Variants in CDH18 observed in about 807,000 individuals in gnomAD.
The protein encoded by CDH18 is cadherin-18.
A neutral mutation model predicts 67.9 loss-of-function variants in CDH18; 31 were observed. That is an observed-to-expected ratio of 0.46 (90% CI 0.34 to 0.62). CDH18 has a LOEUF of 0.62. CDH18 is among the 20% of genes least tolerant of loss of function. The probability of loss-of-function intolerance (pLI) is 0.01; values close to 1 mark genes in which losing one functional copy is unlikely to be tolerated. For synonymous variants in CDH18, 362 were observed against 347.2 expected (o/e 1.04, Z -0.48); for missense variants, 890 against 975.5 (o/e 0.91, Z 1.17).
chr5:19,685,801 G>C (rs971651024), intron 5 of CDH18, among the ~76,000 whole-genome samples: 7 of 152,148 alleles, frequency 4.6e-5, no homozygotes, highest in Admixed American at 2.0e-4. Flanking sequence ...TGAAGAGAGA[G>C]AGTCTCAGAA....
chr5:19,483,398 C>A lies in CDH18; in HGVS notation c.1785G>T (p.Gly595=). 1 of 1,614,054 alleles carries A rather than the reference C, an allele frequency of 6.2e-7. No homozygotes were observed. Among genetic ancestry groups the A allele is most frequent in the South Asian group, 1.1e-5 (1 of 91,064 alleles). The change falls in exon 12 of 13, where the codon GGG becomes GGT. Residue 595 remains glycine, a synonymous_variant. Coordinates refer to ENST00000382275, the MANE Select transcript of CDH18 (RefSeq NM_004934.5). ...CTTCTGCATGGCAGGTCCGCACACG[C>A]CCATCTCTCTCGCATGCACAAACCC... ...TIRVCACERD[G]RVRTCHAEAF... is the part of the protein sequence containing the mutation.
At chr5:20,284,683 A>G (rs2940448) in intron 1 of CDH18, among the ~76,000 whole-genome samples, 17,771 of 151,864 alleles carry the variant, frequency 0.12, 1,579 homozygotes, top group African/African-American at 0.24. Flanking sequence ...CCACTAACCA[A>G]TTTCTCTGAG....
At chr5:20,252,460 G>T (rs1237724966) in intron 2 of CDH18, among the ~76,000 whole-genome samples, 1 of 152,026 alleles carries the variant, frequency 6.6e-6, no homozygotes, top group Non-Finnish European at 1.5e-5. Flanking sequence ...TAATTAGTTG[G>T]TATTCAATGA....
At chr5:19,569,096 T>A (rs1258080472) in intron 8 of CDH18, among the ~76,000 whole-genome samples, 1 of 152,218 alleles carries the variant, frequency 6.6e-6, no homozygotes. Flanking sequence ...ATCATTGTTT[T>A]GGTTATAATT....
At chr5:19,607,304 A>C (rs2028935) in intron 6 of CDH18, among the ~76,000 whole-genome samples, 53,223 of 151,232 alleles carry the variant, frequency 0.35, 11,523 homozygotes, top group Middle Eastern at 0.55. Flanking sequence ...TATTTAACAC[A>C]ACAGCAACAA....
intron 3 of CDH18, among the ~76,000 whole-genome samples, chr5:19,785,697 T>A (rs867494955): frequency 1.5e-3 from 117 of 76,676 alleles, no homozygotes; most frequent in African/African-American, 2.3e-3. Flanking sequence ...TATATATATA[T>A]ATATATATAT....
intron 1 of CDH18, among the ~76,000 whole-genome samples, chr5:20,300,303 C>CATGTGT (rs1554114523): frequency 3.4e-5 from 5 of 148,506 alleles, no homozygotes; most frequent in Non-Finnish European, 7.4e-5. Context: ...TGTGTGTGTG[C>CATGTGT]GTGTGTGTGT....
rs144841633 is a variant in CDH18 at position 19,825,947 on chromosome 5, A to C, written c.228+12812T>G. 6.9e-3 allele frequency among the ~76,000 whole-genome samples: 1,045 copies of C among 152,304 alleles called. 6 individuals carry two copies. Among genetic ancestry groups the C allele is most frequent in the Non-Finnish European group, 0.012 (848 of 68,026 alleles). On this transcript the variant is annotated intron_variant, in intron 3 of 12. Coordinates refer to ENST00000382275, the MANE Select transcript of CDH18 (RefSeq NM_004934.5). ...ATAGGAATGAAGATCATCAATGTTC[A>C]GGAGAAAGTTGAAACCCAATCCAAG...
At chr5:19,480,502 C>T (rs375572139) in intron 12 of CDH18, among the ~76,000 whole-genome samples, 1 of 151,596 alleles carries the variant, frequency 6.6e-6, no homozygotes, top group Non-Finnish European at 1.5e-5. Flanking sequence ...CTCAGCCTCC[C>T]GAGTAGCTGG....
At chr5:20,183,168 A>G (rs952906084) in intron 2 of CDH18, among the ~76,000 whole-genome samples, 1 of 151,796 alleles carries the variant, frequency 6.6e-6, no homozygotes, top group Non-Finnish European at 1.5e-5. Flanking sequence ...AATAGTGTCT[A>G]GCATAGAGCT....
chr5:19,472,400 A>C lies in CDH18; in HGVS notation c.*826T>G, dbSNP rs1400022294. On this transcript the variant is annotated 3_prime_UTR_variant, in exon 13 of 13. Transcript: ENST00000382275. ...AAAAAGTTCCCCAACATTTGGTAGA[A>C]GATAAGGTGTGTGGCTATTTTTAAA... is the stretch of plus-strand genomic sequence containing the variant. Among the ~76,000 whole-genome samples the C allele has an allele frequency of 6.6e-6, 1 of 152,190 alleles. No individual in the cohort carries two copies. The highest frequency in any genetic ancestry group is 2.4e-5 in the African/African-American group (1 of 41,460).
At chr5:20,039,478 G>A (rs1042297386) in intron 2 of CDH18, among the ~76,000 whole-genome samples, 12 of 152,056 alleles carry the variant, frequency 7.9e-5, no homozygotes, top group Non-Finnish European at 1.2e-4. Flanking sequence ...AAAACAGCAT[G>A]GTACTGATAC....
chr5:19,706,275 G>A (rs925947521), intron 5 of CDH18, among the ~76,000 whole-genome samples: 1 of 152,160 alleles, frequency 6.6e-6, no homozygotes, highest in African/African-American at 2.4e-5. Context: ...ACCTCTTCCA[G>A]GACTTTTGAC....
rs150339531 is a variant in CDH18 at position 19,556,007 on chromosome 5, G to C, written c.1254-12002C>G. Among the ~76,000 whole-genome samples the C allele has an allele frequency of 5.8e-3, 881 of 152,234 alleles. 9 individuals carry two copies. The highest frequency in any genetic ancestry group is 0.021 in the African/African-American group (852 of 41,540). On this transcript the variant is annotated intron_variant, in intron 8 of 12. Coordinates refer to ENST00000382275, the MANE Select transcript of CDH18 (RefSeq NM_004934.5). The stretch of plus-strand genomic sequence containing the variant: ...GCCTGGTAGCTCCACTGGGTGGCTA[G>C]AGCTAGAGGAGAAATAACAATAATT...
chr5:19,944,416 A>G (rs183593654), intron 2 of CDH18, among the ~76,000 whole-genome samples: 1 of 152,268 alleles, frequency 6.6e-6, no homozygotes, highest in Non-Finnish European at 1.5e-5. Context: ...TATTAAATGT[A>G]CTAGATTCAC....
At chr5:19,974,520 C>CAAAAA (rs70954626) in intron 2 of CDH18, among the ~76,000 whole-genome samples, 2 of 78,276 alleles carry the variant, frequency 2.6e-5, no homozygotes, top group Non-Finnish European at 4.8e-5. Flanking sequence ...TCCTGTCTCC[C>CAAAAA]AAAAAAAAAA....
In CDH18 at chr5:19,932,984, T is replaced by C. The variant is rs182317874; in HGVS notation, c.-257+48076A>G. On this transcript the variant is annotated intron_variant, in intron 2 of 12. Coordinates refer to ENST00000382275, the MANE Select transcript of CDH18 (RefSeq NM_004934.5). ...CCCTTAACATAGGCTTCTAATACTGTATTACATACAGTAATAGGTAATAAT... is the reference window on the plus strand; with the variant it reads ...CCCTTAACATAGGCTTCTAATACTGCATTACATACAGTAATAGGTAATAAT... Among the ~76,000 whole-genome samples the C allele has an allele frequency of 3.0e-3, 457 of 151,790 alleles. 1 individual carries two copies. Among genetic ancestry groups the C allele is most frequent in the Non-Finnish European group, 5.1e-3 (348 of 67,720 alleles).
intron 8 of CDH18, among the ~76,000 whole-genome samples, chr5:19,550,535 T>C (rs1356010106): frequency 2.6e-5 from 4 of 152,084 alleles, no homozygotes; most frequent in Middle Eastern, 3.2e-3. Flanking sequence ...GTCCTTGCGA[T>C]AGTTTGCTGA....
At chr5:20,017,697 C>T (rs1338343585) in intron 2 of CDH18, among the ~76,000 whole-genome samples, 1 of 152,090 alleles carries the variant, frequency 6.6e-6, no homozygotes, top group Non-Finnish European at 1.5e-5. Context: ...AAAATCAAGG[C>T]TTAGTTACTT....
Sources: allele counts gnomAD v4.1 joint callset (sites outside exome capture counted in the v4.1 genomes callset), GRCh38; gene constraint gnomAD v4.1.1; transcripts MANE v1.5; gene names NCBI Gene and HGNC (gene_info 2026-07-23, HGNC 2026-07-21).